SCYL1: variants seen among roughly 807,000 people sequenced by gnomAD.
SCYL1 encodes the protein N-terminal kinase-like protein.
Under a neutral mutation model 94.8 loss-of-function variants are expected in SCYL1, and 85 were observed. The ratio of observed to expected loss-of-function variants is 0.90; its 90% CI spans 0.75 to 1.07. The LOEUF is 1.07. SCYL1 is among the 50% of genes least tolerant of loss of function. The probability of loss-of-function intolerance (pLI) is 0.00; values close to 1 mark genes in which losing one functional copy is unlikely to be tolerated. For missense variants in SCYL1, 968 were observed against 1,083.3 expected, an observed-to-expected ratio of 0.89 and a Z score of 1.49; for synonymous variants, 459 against 435.5, an observed-to-expected ratio of 1.05 and a Z score of -0.67.
chr11:65,536,713 A>C lies in SCYL1; in HGVS notation c.1779A>C (p.Pro593=), dbSNP rs757663805. The C allele has an allele frequency of 1.2e-6, 2 of 1,609,406 alleles. No homozygotes were observed. Among genetic ancestry groups the C allele is most frequent in the Non-Finnish European group, 1.7e-6 (2 of 1,176,200 alleles). Residue 593 remains proline (P), a synonymous_variant, in exon 13 of 18, where the codon CCA becomes CCC. Transcript: ENST00000270176. ...KLIRSHPTTA[P]TETNIPQRPT... ...TCCGTTCGCACCCAACCACTGCCCC[A>C]ACAGAAACCAACATTCCCCAAAGAC...
intron 14 of SCYL1, among the ~76,000 whole-genome samples, 166 bp from the exon 15 acceptor site, chr11:65,537,643 C>T (rs1855747865): frequency 1.3e-5 from 2 of 152,248 alleles, no homozygotes; most frequent in South Asian, 4.1e-4. Context: ...GGGGTGAGGG[C>T]AGGCCAGGGT....
chr11:65,526,052 G>A lies in SCYL1; in HGVS notation c.375+9G>A, dbSNP rs773735530. 1 of 1,612,658 alleles carries A rather than the reference G, an allele frequency of 6.2e-7. No homozygotes were observed. Among genetic ancestry groups the A allele is most frequent in the South Asian group, 1.1e-5 (1 of 91,046 alleles). ...GGCTACACCAGATCGTGGTGAGGTG[G>A]GGGGCAGTGGTGATGAGAGCAGGGA... On this transcript the variant is annotated intron_variant, in intron 3 of 17. Transcript: ENST00000270176. This position sits in a 1 kb window ranked among gnomAD's most constrained non-coding sequence, Gnocchi z 4.1.
intron 7 of SCYL1, 76 bp from the exon 8 acceptor site, chr11:65,531,499 GC>G: frequency 9.2e-7 from 1 of 1,081,130 alleles, no homozygotes. Context: ...TGGGATATCA[GC>G]CCCAGGAATT....
Position 65,526,348 on chromosome 11 carries a change from G to T in SCYL1, c.600G>T (p.Lys200Asn). ...ADSSGRVVRE[K>N]WSADMWRLGC... is the part of the protein sequence containing the mutation. ...GCAGTGGCAGAGTGGTCAGAGAGAA[G>T]TGGTGGGTGACTGGGGGCAGCGCGC... The change falls in exon 4 of 18, where the codon AAG (lysine) becomes AAT (asparagine). Residue 200 changes from lysine (K) to asparagine (N), a missense_variant and splice_region_variant. Physicochemically the swap from Lys to Asn is moderately conservative, Grantham distance 94. This residue lies in a region of SCYL1 where 494 missense variants were observed against 619.7 expected (regional missense o/e 0.80). Coordinates refer to ENST00000270176, the MANE Select transcript of SCYL1 (RefSeq NM_020680.4). The surrounding 1 kb of genome is among the most constrained non-coding windows in gnomAD (Gnocchi z 4.1). 1 of 1,594,998 alleles carries T rather than the reference G, an allele frequency of 6.3e-7. No individual in the cohort carries two copies. The highest frequency in any genetic ancestry group is 1.7e-5 in the Admixed American group (1 of 59,118).
Position 65,525,103 on chromosome 11 carries a change from GC to G in SCYL1, c.-49del. ...TCTCCGCCCCGCCCCGGCTCGGGCG[GC>G]CGGAGGACCCGGAGCTAAGGCGCCC... On this transcript the variant is annotated 5_prime_UTR_variant, in exon 1 of 18. Transcript: ENST00000270176. 2.4e-6 allele frequency: 3 copies of G among 1,229,230 alleles called. No homozygotes were observed. Among genetic ancestry groups the G allele is most frequent in the Non-Finnish European group, 2.1e-6 (2 of 960,062 alleles). The allele number at this position is 1,229,230 out of a possible 1,614,324, so 76.1% of individuals were successfully genotyped here.
At chr11:65,533,734 C>A (rs913197576) in intron 9 of SCYL1, among the ~76,000 whole-genome samples, 1 of 151,994 alleles carries the variant, frequency 6.6e-6, no homozygotes, top group Non-Finnish European at 1.5e-5. Context: ...GAGCTGTGAT[C>A]GTGACACTGC....
In SCYL1 at chr11:65,536,002, C is replaced by T. The variant is rs55977709; in HGVS notation, c.1436C>T (p.Pro479Leu). ...TSAFSRATRD[P>L]FAPSRVAGVL... is the part of the protein sequence containing the mutation. ...GCCTTCAGCCGAGCCACTAGGGACC[C>T]GTTTGCACCGTCCCGGGTTGCGGGT... Residue 479 changes from proline to leucine, a missense_variant, in exon 11 of 18, where the codon CCG (proline) becomes CTG (leucine). Pro to Leu is a moderately conservative substitution (Grantham distance 98, BLOSUM62 -3). Coordinates refer to ENST00000270176, the MANE Select transcript of SCYL1 (RefSeq NM_020680.4). 9.7e-5 allele frequency: 157 copies of T among 1,613,328 alleles called. No individual in the cohort carries two copies. The highest frequency in any genetic ancestry group is 1.2e-4 in the Non-Finnish European group (140 of 1,179,570).
intron 6 of SCYL1, 99 bp from the exon 7 acceptor site, chr11:65,530,530 A>G: frequency 1.5e-6 from 2 of 1,373,342 alleles, no homozygotes; most frequent in South Asian, 2.9e-5. Context: ...CAGAGCCCAT[A>G]AGGCCCATAA....
In SCYL1 at chr11:65,527,240, C is replaced by T; in HGVS notation, c.849+123C>T. Reference sequence around the variant, plus strand: ...GCATGGACTGTGGAGTTAGGCCAATCCGGGTTCAAACCCAGGCTCCAGCTC... The same window carrying T: ...GCATGGACTGTGGAGTTAGGCCAATTCGGGTTCAAACCCAGGCTCCAGCTC... On this transcript the variant is annotated intron_variant, in intron 6 of 17. Coordinates refer to ENST00000270176, the MANE Select transcript of SCYL1 (RefSeq NM_020680.4). 5 of 1,115,428 alleles carry T rather than the reference C, an allele frequency of 4.5e-6. No individual in the cohort carries two copies. The South Asian group carries it at 7.5e-5, about 17-fold the overall frequency. 69.1% of individuals were successfully genotyped at this position (1,115,428 alleles called of 1,614,324 possible).
In SCYL1 at chr11:65,532,775, C is replaced by G. The variant is rs776499634; in HGVS notation, c.1200C>G (p.Thr400=). The G allele has an allele frequency of 6.2e-7, 1 of 1,614,078 alleles. No individual in the cohort carries two copies. The highest frequency in any genetic ancestry group is 1.7e-5 in the Admixed American group (1 of 60,012). Residue 400 remains threonine (T), a synonymous_variant, in exon 9 of 18, where the codon ACC becomes ACG. Coordinates refer to ENST00000270176, the MANE Select transcript of SCYL1 (RefSeq NM_020680.4). ...ACGTCGTACATGGCTTCCTGGACAC[C>G]AACCCTGCCATCCGGGAGCAGACGG... ...FPHVVHGFLD[T]NPAIREQTVK...
chr11:65,525,349 C>A, intron 1 of SCYL1, 85 bp downstream of exon 1: 1 of 1,164,304 alleles, frequency 8.6e-7, no homozygotes, highest in Non-Finnish European at 1.2e-6. Context: ...TGCGCCCGGC[C>A]TGACGTGGCG....
intron 8 of SCYL1, 73 bp from the exon 9 acceptor site, chr11:65,532,619 G>A: frequency 8.1e-7 from 1 of 1,230,848 alleles, no homozygotes; most frequent in Non-Finnish European, 1.2e-6. Context: ...AGCTAAGCCA[G>A]GAGCGGTTCC....
In SCYL1 at chr11:65,525,959, C is replaced by A. The variant is rs1025699182; in HGVS notation, c.291C>A (p.Thr97=). Residue 97 remains threonine, a synonymous_variant, in exon 3 of 18, where the codon ACC becomes ACA. Coordinates refer to ENST00000270176, the MANE Select transcript of SCYL1 (RefSeq NM_020680.4). The part of the protein sequence containing the change: ...KCLHVVTEAV[T]PLGIYLKARV... ...TCCACGTCGTGACAGAGGCTGTGAC[C>A]CCGTTGGGAATATACCTCAAGGCGA... is the stretch of plus-strand genomic sequence containing the variant. The A allele has an allele frequency of 2.5e-6, 4 of 1,613,620 alleles. No individual in the cohort carries two copies. In the South Asian group the frequency reaches 4.4e-5, roughly 18 times the overall value.
At chr11:65,536,451 TC>T in intron 12 of SCYL1, 117 bp downstream of exon 12, 1 of 1,410,690 alleles carries the variant, frequency 7.1e-7, no homozygotes, top group Non-Finnish European at 9.8e-7. Context: ...TTGACTCAGC[TC>T]CCCCTTCACA....
rs755989278 is a variant in SCYL1 at position 65,525,136 on chromosome 11, G to C, written c.-18G>C. ...ACCCGGAGCTAAGGCGCCCGAACCC[G>C]CGGCGGCGGTGGGGACGATGTGGTT... On this transcript the variant is annotated 5_prime_UTR_variant, in exon 1 of 18. Transcript: ENST00000270176. The C allele has an allele frequency of 2.0e-3, 2,578 of 1,310,524 alleles. 4 individuals are homozygous for C. Among genetic ancestry groups the C allele is most frequent in the Non-Finnish European group, 2.3e-3 (2,348 of 1,020,366 alleles). The allele number at this position is 1,310,524 out of a possible 1,614,324, so 81.2% of individuals were successfully genotyped here. A position where few individuals can be genotyped will look rare whatever the true frequency, so the allele number is the denominator to read the frequency against.
intron 1 of SCYL1, 70 bp downstream of exon 1, chr11:65,525,334 C>A: frequency 8.3e-7 from 1 of 1,210,296 alleles, no homozygotes; most frequent in Non-Finnish European, 1.1e-6. Flanking sequence ...CCGACCCCGT[C>A]GCGTTGCGCC....
intron 16 of SCYL1, 28 bp from the exon 17 acceptor site, chr11:65,538,242 C>T (rs1030905332): frequency 1.3e-6 from 2 of 1,553,850 alleles, no homozygotes; most frequent in South Asian, 2.4e-5. Flanking sequence ...GAAGTGGGCC[C>T]CACTGCAGCC....
chr11:65,529,784 A>C (rs1483980968), intron 6 of SCYL1, among the ~76,000 whole-genome samples: 1 of 152,024 alleles, frequency 6.6e-6, no homozygotes, highest in Non-Finnish European at 1.5e-5. Flanking sequence ...GCATCTTTTG[A>C]AGGGTACAGC....
Position 65,526,732 on chromosome 11 carries a change from G to T in SCYL1, c.603-51G>T. ...GCCTGGTGCCCAAGGCAGGCTGGAGGCCTGTGCAGGTGGTTGGTGGGGCCC... is the reference window on the plus strand; with the variant it reads ...GCCTGGTGCCCAAGGCAGGCTGGAGTCCTGTGCAGGTGGTTGGTGGGGCCC... On this transcript the variant is annotated intron_variant, in intron 4 of 17. Transcript: ENST00000270176. This position sits in a 1 kb window ranked among gnomAD's most constrained non-coding sequence, Gnocchi z 4.1. The T allele has an allele frequency of 1.3e-6, 2 of 1,562,418 alleles. No homozygotes were observed.
Sources: gnomAD v4.1 joint callset for allele counts (sites outside exome capture counted in the v4.1 genomes callset) on GRCh38, gnomAD v4.1.1 for gene constraint, gnomAD v4.1.1 regional missense constraint, Gnocchi (gnomAD v3.1) non-coding constraint, MANE v1.5 for transcripts, NCBI Gene and HGNC (gene_info 2026-07-23, HGNC 2026-07-21) for gene names.